The following RIMS2 variants were observed in gnomAD, a reference collection of about 807,000 sequenced individuals.
RIMS2 encodes regulating synaptic membrane exocytosis 2.
A neutral mutation model predicts 174.4 loss-of-function variants in RIMS2; 59 were observed. The ratio of observed to expected loss-of-function variants is 0.34; its 90% CI spans 0.27 to 0.42. RIMS2 has a LOEUF of 0.42. Ranked by LOEUF, RIMS2 falls within the 10% of genes least tolerant of loss-of-function variation. The pLI is 1.00. For synonymous variants in RIMS2, 606 were observed against 572.5 expected, an observed-to-expected ratio of 1.06 and a Z score of -0.84; for missense variants, 1,620 against 1,666.3, an observed-to-expected ratio of 0.97 and a Z score of 0.48.
At chr8:103,935,311 A>G (rs528663516) in intron 12 of RIMS2, among the ~76,000 whole-genome samples, 2 of 152,262 alleles carry the variant, frequency 1.3e-5, no homozygotes, top group East Asian at 3.9e-4. Flanking sequence ...ATAAAGCTAC[A>G]TTGCATGTTA....
chr8:104,097,768 A>T (rs2097787976), intron 19 of RIMS2, among the ~76,000 whole-genome samples: 2 of 152,192 alleles, frequency 1.3e-5, no homozygotes, highest in African/African-American at 2.4e-5. Context: ...CCTATATATG[A>T]TTGACATTTT....
chr8:103,633,024 C>T (rs183511447), intron 1 of RIMS2, among the ~76,000 whole-genome samples: 136 of 143,654 alleles, frequency 9.5e-4, no homozygotes, highest in Non-Finnish European at 1.5e-3. Flanking sequence ...TGAGCCTCCG[C>T]GCCAGGCCTT....
At chr8:103,654,831 G>A (rs904378003) in intron 1 of RIMS2, among the ~76,000 whole-genome samples, 18 of 151,856 alleles carry the variant, frequency 1.2e-4, no homozygotes, top group Admixed American at 2.0e-4. Flanking sequence ...AGTTTTAAAT[G>A]TTAAAAAGTA....
Position 103,736,582 on chromosome 8 carries a change from C to A in RIMS2, c.388-29645C>A, listed in dbSNP as rs534475106. Reference sequence around the variant, plus strand: ...TTGGACTAATTTTGGTCTATTATGTCCAGTTATGAATTGGCTGGCGTGAAT... The same window carrying A: ...TTGGACTAATTTTGGTCTATTATGTACAGTTATGAATTGGCTGGCGTGAAT... On this transcript the variant is annotated intron_variant, in intron 2 of 23. Transcript: ENST00000504942. Among the ~76,000 whole-genome samples the A allele has an allele frequency of 6.6e-5, 10 of 152,188 alleles. No individual in the cohort carries two copies. The East Asian group carries it at 1.7e-3, about 26-fold the overall frequency.
intron 19 of RIMS2, among the ~76,000 whole-genome samples, chr8:104,023,166 T>C (rs1291840321): frequency 6.6e-6 from 1 of 152,218 alleles, no homozygotes; most frequent in Admixed American, 6.5e-5. Context: ...TTGTAGCAGG[T>C]GCAGTCAGAA....
At chr8:104,136,611 G>T (rs1046583286) in intron 19 of RIMS2, among the ~76,000 whole-genome samples, 1 of 152,184 alleles carries the variant, frequency 6.6e-6, no homozygotes, top group Non-Finnish European at 1.5e-5. Flanking sequence ...GGAATGCTAT[G>T]CAGCCATAAA....
chr8:103,597,850 T>C (rs1431310999), intron 1 of RIMS2, among the ~76,000 whole-genome samples: 1 of 152,068 alleles, frequency 6.6e-6, no homozygotes, highest in African/African-American at 2.4e-5. Flanking sequence ...GAAATCAATT[T>C]GGTGTGAATA....
At chr8:104,223,346 C>T in intron 19 of RIMS2, 1 of 1,130,908 alleles carries the variant, frequency 8.8e-7, no homozygotes, top group Non-Finnish European at 1.1e-6. Flanking sequence ...TCCAGCAGCT[C>T]CAGCCTCCAG....
chr8:104,045,392 G>A (rs991045805), intron 19 of RIMS2, among the ~76,000 whole-genome samples: 1 of 151,318 alleles, frequency 6.6e-6, no homozygotes, highest in African/African-American at 2.4e-5. Context: ...GCTTTATTAG[G>A]GTGTATTATA....
At chr8:103,976,480 TCTGA>T (rs2093430925) in intron 16 of RIMS2, 2 of 152,024 alleles carry the variant, frequency 1.3e-5, no homozygotes, top group South Asian at 4.1e-4. Context: ...ATAATGAAAA[TCTGA>T]CTGATATTTA....
intron 1 of RIMS2, among the ~76,000 whole-genome samples, chr8:103,543,713 C>G (rs1843593738): frequency 6.6e-6 from 1 of 152,124 alleles, no homozygotes; most frequent in Non-Finnish European, 1.5e-5. Context: ...TCAATTGATC[C>G]TTGACAGAGA....
chr8:103,799,540 C>T (rs1032966136), intron 3 of RIMS2, among the ~76,000 whole-genome samples: 1 of 152,070 alleles, frequency 6.6e-6, no homozygotes, highest in Non-Finnish European at 1.5e-5. Context: ...TAGTTTTGTT[C>T]TCAAAAATGC....
intron 1 of RIMS2, among the ~76,000 whole-genome samples, chr8:103,694,704 A>G (rs1017246334): frequency 2.0e-5 from 3 of 152,050 alleles, no homozygotes; most frequent in African/African-American, 4.8e-5. Context: ...CCTGGAGCCT[A>G]TATCCACAGA....
intron 19 of RIMS2, among the ~76,000 whole-genome samples, chr8:104,144,992 A>G (rs1456803972): frequency 6.6e-6 from 1 of 152,154 alleles, no homozygotes; most frequent in African/African-American, 2.4e-5. Flanking sequence ...CACCATCAAG[A>G]ATATCTTTTT....
At chr8:103,786,174 C>T (rs1182106086) in intron 3 of RIMS2, among the ~76,000 whole-genome samples, 1 of 151,980 alleles carries the variant, frequency 6.6e-6, no homozygotes, top group Non-Finnish European at 1.5e-5. Flanking sequence ...CATCTTTATT[C>T]GTCTTGCTAG....
intron 19 of RIMS2, among the ~76,000 whole-genome samples, chr8:104,113,119 C>T (rs1401200610): frequency 1.3e-5 from 2 of 152,036 alleles, no homozygotes; most frequent in African/African-American, 4.8e-5. Context: ...TTGGAAAGGA[C>T]TTTAGAAGTT....
intron 16 of RIMS2, chr8:103,977,318 T>G (rs1300879936): frequency 2.6e-5 from 4 of 152,226 alleles, no homozygotes; most frequent in Non-Finnish European, 5.9e-5. Flanking sequence ...TATTAAACAT[T>G]TTTTAAAAGT....
intron 10 of RIMS2, chr8:103,927,802 G>A (rs771666998): frequency 8.2e-6 from 12 of 1,469,916 alleles, no homozygotes; most frequent in Non-Finnish European, 2.8e-6. Flanking sequence ...GTCCTTTTTG[G>A]TTTTGTTTTA....
intron 19 of RIMS2, among the ~76,000 whole-genome samples, chr8:104,218,345 C>G (rs956314625): frequency 6.6e-6 from 1 of 152,048 alleles, no homozygotes. Context: ...TTTCTCTTCC[C>G]TTCCCTTGGT....
Sources: allele counts gnomAD v4.1 joint callset (sites outside exome capture counted in the v4.1 genomes callset), GRCh38; gene constraint gnomAD v4.1.1; transcripts MANE v1.5; gene names NCBI Gene and HGNC (gene_info 2026-07-23, HGNC 2026-07-21).